The following RYR3 variants were observed in gnomAD, a reference collection of about 807,000 sequenced individuals.
The protein encoded by RYR3 is brain ryanodine receptor-calcium release channel.
In RYR3, 207 loss-of-function variants were observed where a neutral mutation model predicts 584.3. The observed-to-expected ratio is 0.35, with a 90% confidence interval of 0.32 to 0.40. RYR3 has a LOEUF of 0.40. Among genes scored for constraint, RYR3 ranks in the 10% least tolerant of loss-of-function variants. The probability of loss-of-function intolerance (pLI) is 1.00; values close to 1 mark genes in which losing one functional copy is unlikely to be tolerated. For missense variants in RYR3, 5,616 were observed against 6,089.2 expected (o/e 0.92, Z 2.59); for synonymous variants, 2,416 against 2,248.5 (o/e 1.07, Z -2.11).
rs1209710322 is a variant in RYR3 at position 33,634,712 on chromosome 15, G to C, written c.3154G>C (p.Glu1052Gln). 5 of 1,613,832 alleles carry C rather than the reference G, an allele frequency of 3.1e-6. No homozygotes were observed. Among genetic ancestry groups the C allele is most frequent in the Non-Finnish European group, 8.5e-7 (1 of 1,179,874 alleles). Residue 1052 changes from glutamate to glutamine, a missense_variant, in exon 25 of 104, where the codon GAG becomes CAG. Glu to Gln is a conservative substitution (Grantham distance 29). Around this residue, in one of 9 missense-constraint regions of RYR3, gnomAD observed 1,284 missense variants for 1,344.6 expected, o/e 0.95. Transcript: ENST00000634891. ...RTFVGYGYNI[E>Q]PSDQELADSA... is the part of the protein sequence containing the mutation. ...TTTTGTTGGTTACGGGTATAACATTGAGCCATCAGACCAAGAACTAGGTAA... is the reference window on the plus strand; with the variant it reads ...TTTTGTTGGTTACGGGTATAACATTCAGCCATCAGACCAAGAACTAGGTAA...
chr15:33,800,944 A>G, intron 68 of RYR3, 87 bp downstream of exon 68: 1 of 962,500 alleles, frequency 1.0e-6, no homozygotes, highest in East Asian at 2.4e-5. Context: ...GCCAACAGTA[A>G]AATATTCGAA....
intron 60 of RYR3, 145 bp from the exon 61 acceptor site, chr15:33,768,513 T>G: frequency 1.4e-6 from 1 of 715,452 alleles, no homozygotes; most frequent in Non-Finnish European, 2.5e-6. Flanking sequence ...GACCAGAGGA[T>G]TCTTTGCTAG....
chr15:33,474,285 G>A (rs1190712305), intron 2 of RYR3, among the ~76,000 whole-genome samples: 4 of 152,176 alleles, frequency 2.6e-5, no homozygotes, highest in Admixed American at 1.3e-4. Context: ...GAGTGAGTGC[G>A]TGAGTGGGTA....
intron 81 of RYR3, 58 bp downstream of exon 81, chr15:33,823,130 G>T: frequency 6.9e-7 from 1 of 1,450,954 alleles, no homozygotes. Flanking sequence ...AGCATAGGAG[G>T]CAGGGGAAGG....
chr15:33,859,219 A>G (rs978339660), intron 99 of RYR3: 10 of 202,634 alleles, frequency 4.9e-5, no homozygotes, highest in Non-Finnish European at 7.9e-5. Context: ...AGTTTATAGC[A>G]CAGCCTGAAG....
intron 64 of RYR3, among the ~76,000 whole-genome samples, chr15:33,774,038 T>C (rs55987627): frequency 0.16 from 24,994 of 152,240 alleles, 2,423 homozygotes; most frequent in South Asian, 0.22. Context: ...AACCCTGGAC[T>C]TTTACCAGTC....
chr15:33,810,501 G>A lies in RYR3; in HGVS notation c.10049G>A (p.Arg3350Gln), dbSNP rs370501059. 2.6e-5 allele frequency: 42 copies of A among 1,613,858 alleles called. No homozygotes were observed. Among genetic ancestry groups the A allele is most frequent in the African/African-American group, 4.0e-5 (3 of 74,916 alleles). The change falls in exon 71 of 104, where the codon CGG (arginine) becomes CAG (glutamine). Residue 3350 changes from arginine to glutamine, a missense_variant. Physicochemically the swap from Arg to Gln is conservative, Grantham distance 43. Transcript: ENST00000634891. ...TAGTCTGGAGGACAAGACCAGGAGC[G>A]GAAGAAGACAAAGCGGCGGGGAGAC... Reference protein sequence around the residue: ...QVKSGGQDQERKKTKRRGDLY... With the variant: ...QVKSGGQDQEQKKTKRRGDLY...
chr15:33,659,710 T>C lies in RYR3; in HGVS notation c.4309-10T>C. ...TCTGGGCAAAGCTTTCGATTTGTTT[T>C]GATTTCCAGGTGGAGCCTAATACCA... On this transcript the variant is annotated splice_polypyrimidine_tract_variant and intron_variant, in intron 32 of 103. Coordinates refer to ENST00000634891, the MANE Select transcript of RYR3 (RefSeq NM_001036.6). 6.3e-7 allele frequency: 1 copy of C among 1,592,524 alleles called. No homozygotes were observed. Among genetic ancestry groups the C allele is most frequent in the Non-Finnish European group, 8.6e-7 (1 of 1,160,428 alleles).
chr15:33,379,153 GA>G (rs1464762787), intron 1 of RYR3, among the ~76,000 whole-genome samples: 1 of 151,986 alleles, frequency 6.6e-6, no homozygotes, highest in African/African-American at 2.4e-5. Context: ...TTCTCATCAG[GA>G]AAAAAATGAG....
At chr15:33,817,106 C>T in intron 75 of RYR3, 148 bp downstream of exon 75, 1 of 532,138 alleles carries the variant, frequency 1.9e-6, no homozygotes, top group Non-Finnish European at 3.4e-6. Context: ...CAGGGGAGGC[C>T]CTGCTAATGG....
At chr15:33,450,660 C>T (rs961100365) in intron 1 of RYR3, among the ~76,000 whole-genome samples, 6 of 151,354 alleles carry the variant, frequency 4.0e-5, no homozygotes, top group Admixed American at 2.0e-4. Context: ...CTTTTATTTA[C>T]ACTGCACACC....
intron 1 of RYR3, among the ~76,000 whole-genome samples, chr15:33,367,435 CA>C (rs1975666141): frequency 6.6e-6 from 1 of 152,140 alleles, no homozygotes; most frequent in African/African-American, 2.4e-5. Flanking sequence ...TTAGTTTAGG[CA>C]ATGGAGAAGT....
intron 5 of RYR3, among the ~76,000 whole-genome samples, chr15:33,537,929 T>A (rs2055467014): frequency 6.6e-6 from 1 of 152,114 alleles, no homozygotes; most frequent in Non-Finnish European, 1.5e-5. Context: ...CTGTTTTTTG[T>A]CTTCCTTCCT....
intron 1 of RYR3, among the ~76,000 whole-genome samples, chr15:33,395,048 G>C (rs1235743925): frequency 1.3e-5 from 2 of 152,188 alleles, no homozygotes; most frequent in Non-Finnish European, 2.9e-5. Context: ...GGTTTTATAA[G>C]CTCATTGAAG....
At chr15:33,562,730 A>G (rs1379022422) in intron 10 of RYR3, 107 bp from the exon 11 acceptor site, 2 of 728,142 alleles carry the variant, frequency 2.7e-6, no homozygotes, top group Non-Finnish European at 4.6e-6. Flanking sequence ...TTATTTTGGT[A>G]ACCAGTTGCC....
intron 1 of RYR3, among the ~76,000 whole-genome samples, chr15:33,420,151 C>T (rs1467774038): frequency 6.6e-6 from 1 of 152,186 alleles, no homozygotes; most frequent in Non-Finnish European, 1.5e-5. Flanking sequence ...CATAATCACA[C>T]TTTCTCCTTT....
At chr15:33,527,474 G>A (rs1293997062) in intron 3 of RYR3, among the ~76,000 whole-genome samples, 1 of 151,784 alleles carries the variant, frequency 6.6e-6, no homozygotes, top group Non-Finnish European at 1.5e-5. Flanking sequence ...CAACTACTCA[G>A]GAGGGAGGCT....
intron 3 of RYR3, among the ~76,000 whole-genome samples, chr15:33,514,649 G>C (rs1323491335): frequency 6.6e-6 from 1 of 150,976 alleles, no homozygotes; most frequent in Non-Finnish European, 1.5e-5. Flanking sequence ...TCATAGTTTA[G>C]TTTCTAAAGT....
intron 8 of RYR3, among the ~76,000 whole-genome samples, chr15:33,547,868 C>G (rs1310727694): frequency 6.6e-6 from 1 of 152,196 alleles, no homozygotes; most frequent in Non-Finnish European, 1.5e-5. Context: ...TTGTTCCTGC[C>G]TTTCCCTTGT....
Sources: gnomAD v4.1 joint callset for allele counts (sites outside exome capture counted in the v4.1 genomes callset) on GRCh38, gnomAD v4.1.1 for gene constraint, gnomAD v4.1.1 regional missense constraint, MANE v1.5 for transcripts, NCBI Gene and HGNC (gene_info 2026-07-23, HGNC 2026-07-21) for gene names.